Variants in SHROOM2 observed in about 807,000 individuals in gnomAD.
SHROOM2 encodes the protein protein Shroom2.
Under a neutral mutation model 75.9 loss-of-function variants are expected in SHROOM2, and 33 were observed. The observed-to-expected ratio is 0.43, with a 90% CI of 0.33 to 0.58. The LOEUF (loss-of-function observed/expected upper bound fraction) is 0.58. SHROOM2 is among the 20% of genes least tolerant of loss of function. The probability of loss-of-function intolerance (pLI) is 0.04; values close to 1 mark genes in which losing one functional copy is unlikely to be tolerated. For synonymous variants in SHROOM2, 655 were observed against 663.6 expected, an observed-to-expected ratio of 0.99 and a Z score of 0.20; for missense variants, 1,434 against 1,461.2, an observed-to-expected ratio of 0.98 and a Z score of 0.30.
rs536818196 is a variant in SHROOM2, at chrX:9,811,561, C to G, written c.165+24851C>G. Among the ~76,000 whole-genome samples the G allele has an allele frequency of 2.7e-4, 30 of 110,648 alleles. No homozygotes were observed. The South Asian group carries it at 0.01, about 38-fold the overall frequency. ...TGTCACCAATTTTCCAATCATGCTT[C>G]TTCCCGTGAATTCAGCCCATGAATC... On this transcript the variant is annotated intron_variant, in intron 1 of 9. Coordinates refer to ENST00000380913, the MANE Select transcript of SHROOM2 (RefSeq NM_001649.4).
chrX:9,790,079 G>A (rs1387929493), intron 1 of SHROOM2, among the ~76,000 whole-genome samples: 1 of 112,335 alleles, frequency 8.9e-6, no homozygotes, highest in Admixed American at 9.4e-5. Flanking sequence ...GCCAAAGACG[G>A]AATCAGGGCA....
chrX:9,834,389 C>T (rs2146762650), intron 1 of SHROOM2, among the ~76,000 whole-genome samples: 1 of 112,159 alleles, frequency 8.9e-6, no homozygotes, highest in East Asian at 2.8e-4. Context: ...ATGTTGTGCG[C>T]ATGGGAAATG....
rs139335417 is a variant in SHROOM2, at chrX:9,797,797, C to T, written c.165+11087C>T. Reference sequence around the variant, plus strand: ...ATAATTAGTCCTAGGTGGGGCTGGCCGGAGGCACAGTGGGTGGGGTGGGTG... The same window carrying T: ...ATAATTAGTCCTAGGTGGGGCTGGCTGGAGGCACAGTGGGTGGGGTGGGTG... On this transcript the variant is annotated intron_variant, in intron 1 of 9. Coordinates refer to ENST00000380913, the MANE Select transcript of SHROOM2 (RefSeq NM_001649.4). 3.4e-3 allele frequency among the ~76,000 whole-genome samples: 378 copies of T among 111,492 alleles called. 22 individuals carry two copies. The East Asian group carries it at 0.08, about 24-fold the overall frequency.
intron 5 of SHROOM2, among the ~76,000 whole-genome samples, chrX:9,902,056 G>A (rs193273919): frequency 1.8e-3 from 196 of 110,630 alleles, no homozygotes; most frequent in African/African-American, 5.8e-3. Flanking sequence ...ATGGATGGAT[G>A]GATGCATGGA....
intron 1 of SHROOM2, among the ~76,000 whole-genome samples, chrX:9,871,543 G>A (rs1379734324): frequency 1.8e-5 from 2 of 112,259 alleles, no homozygotes; most frequent in African/African-American, 6.5e-5. Context: ...CTTATTTACA[G>A]TCTGTAAAGA....
At chrX:9,823,185 C>T (rs899607951) in intron 1 of SHROOM2, among the ~76,000 whole-genome samples, 47 of 78,305 alleles carry the variant, frequency 6.0e-4, no homozygotes, top group Admixed American at 1.5e-3. Context: ...TCTTCTTCTC[C>T]TCCTCCTCCT....
intron 1 of SHROOM2, among the ~76,000 whole-genome samples, chrX:9,838,608 A>C (rs190551607): frequency 7.1e-5 from 8 of 111,979 alleles, no homozygotes; most frequent in Non-Finnish European, 1.5e-4. Flanking sequence ...TTTCTTCTCA[A>C]AACTTTTACA....
chrX:9,862,022 A>G (rs2084106819), intron 1 of SHROOM2, among the ~76,000 whole-genome samples: 2 of 111,604 alleles, frequency 1.8e-5, no homozygotes, highest in African/African-American at 6.5e-5. Context: ...GGACTGACCA[A>G]ATCCCACCAT....
chrX:9,815,434 ATGTGTGTGTGTGTGTGTGTGTGTG>A lies in SHROOM2; in HGVS notation c.165+28748_165+28771del, dbSNP rs56223508. 2.8e-4 allele frequency among the ~76,000 whole-genome samples: 25 copies of A among 88,711 alleles called. No individual in the cohort carries two copies. The East Asian group carries it at 6.5e-3, about 23-fold the overall frequency. The allele number at this position is 88,711 out of a possible 115,157, so 77.0% of individuals were successfully genotyped here. A position where few individuals can be genotyped will look rare whatever the true frequency, so the allele number is the denominator to read the frequency against. ...AACTAATAGGATAGATATACATATT[ATGTGTGTGTGTGTGTGTGTGTGTG>A]TGTGTGTGTGTGTGTGTGTGTGTAT... On this transcript the variant is annotated intron_variant, in intron 1 of 9. Coordinates refer to ENST00000380913, the MANE Select transcript of SHROOM2 (RefSeq NM_001649.4).
chrX:9,788,606 G>A (rs1267403510), intron 1 of SHROOM2, among the ~76,000 whole-genome samples: 1 of 111,492 alleles, frequency 9.0e-6, no homozygotes, highest in Non-Finnish European at 1.9e-5. Context: ...CCTGGGAAAG[G>A]CCCTAAGAAT....
chrX:9,895,571 G>A lies in SHROOM2; in HGVS notation c.1663G>A (p.Ala555Thr), dbSNP rs990156778. The A allele has an allele frequency of 4.7e-5, 55 of 1,169,034 alleles. No individual in the cohort carries two copies. Among genetic ancestry groups the A allele is most frequent in the Non-Finnish European group, 6.2e-5 (54 of 876,621 alleles). ...CGCGGGAGCCCAGGAGCCTCCCAGG[G>A]CCAGCCGTGCAGAAAAAGCCAGCCA... ...CSAGAQEPPR[A>T]SRAEKASQRL... The change falls in exon 4 of 10, where the codon GCC becomes ACC. Residue 555 changes from alanine to threonine, a missense_variant. By Grantham distance (58) the Ala-to-Thr change is moderately conservative. This residue lies in a region of SHROOM2 where 1,340 missense variants were observed against 1,338.3 expected (regional missense o/e 1.00). Transcript: ENST00000380913.
At chrX:9,807,959 C>A (rs2083764699) in intron 1 of SHROOM2, among the ~76,000 whole-genome samples, 1 of 111,782 alleles carries the variant, frequency 8.9e-6, no homozygotes, top group African/African-American at 3.3e-5. Flanking sequence ...TTGTGACCAT[C>A]CTGGGTGCCA....
intron 1 of SHROOM2, among the ~76,000 whole-genome samples, chrX:9,867,668 A>G (rs1402733272): frequency 9.0e-6 from 1 of 111,602 alleles, no homozygotes. Flanking sequence ...GGCAAAGAGA[A>G]TAGAATGGAG....
At chrX:9,867,349 C>T (rs780080359) in intron 1 of SHROOM2, among the ~76,000 whole-genome samples, 2 of 111,202 alleles carry the variant, frequency 1.8e-5, no homozygotes, top group Non-Finnish European at 3.8e-5. Context: ...GCACCTGGGC[C>T]GGCATCGTCA....
At chrX:9,874,280 G>A (rs745647226) in intron 2 of SHROOM2, among the ~76,000 whole-genome samples, 150 of 112,072 alleles carry the variant, frequency 1.3e-3, no homozygotes, top group Non-Finnish European at 2.5e-3. Context: ...TGTACATTAC[G>A]TGTCAGTTGG....
intron 2 of SHROOM2, among the ~76,000 whole-genome samples, chrX:9,883,695 G>T (rs1328411579): frequency 1.8e-5 from 2 of 111,008 alleles, no homozygotes; most frequent in Non-Finnish European, 3.8e-5. Flanking sequence ...TGCATGCAGG[G>T]AGACTGATCT....
At chrX:9,816,654 G>A (rs1410782714) in intron 1 of SHROOM2, among the ~76,000 whole-genome samples, 2 of 110,089 alleles carry the variant, frequency 1.8e-5, no homozygotes, top group East Asian at 2.9e-4. Flanking sequence ...CCCTCCCTGC[G>A]AAGTGGACAT....
At chrX:9,882,769 T>G (rs1369579371) in intron 2 of SHROOM2, among the ~76,000 whole-genome samples, 3 of 112,084 alleles carry the variant, frequency 2.7e-5, no homozygotes, top group Non-Finnish European at 5.6e-5. Context: ...TCACCCCACG[T>G]GAATGCTGCT....
chrX:9,841,256 A>AT (rs61348478), intron 1 of SHROOM2, among the ~76,000 whole-genome samples: 17 of 107,924 alleles, frequency 1.6e-4, no homozygotes, highest in East Asian at 8.7e-4. Flanking sequence ...GTGCCTGGCC[A>AT]TTTTTTTTTT....
Sources: allele counts gnomAD v4.1 joint callset (sites outside exome capture counted in the v4.1 genomes callset), GRCh38; gene constraint gnomAD v4.1.1; regional missense constraint gnomAD v4.1.1; transcripts MANE v1.5; gene names NCBI Gene and HGNC (gene_info 2026-07-23, HGNC 2026-07-21).